POLN: variants seen among roughly 807,000 people sequenced by gnomAD.
POLN encodes the protein DNA polymerase nu.
Under a neutral mutation model 113.5 loss-of-function variants are expected in POLN, and 108 were observed. The ratio of observed to expected loss-of-function variants is 0.95; its 90% CI spans 0.81 to 1.12. The LOEUF (loss-of-function observed/expected upper bound fraction) is 1.12, where lower values mean the gene tolerates loss of function less well. Among genes scored for constraint, POLN ranks in the 50% most tolerant of loss-of-function variants. The pLI, the probability that POLN is intolerant of heterozygous loss-of-function variation, is 0.00. For missense variants in POLN, 1,097 were observed against 1,077.1 expected (o/e 1.02, Z -0.26); for synonymous variants, 386 against 391.5 (o/e 0.99, Z 0.17).
At chr4:2,185,705 C>T (rs1355134799) in intron 7 of POLN, among the ~76,000 whole-genome samples, 1 of 148,656 alleles carries the variant, frequency 6.7e-6, no homozygotes, top group Admixed American at 6.7e-5. Context: ...AAGATTGCAC[C>T]ATTGCACTCT....
At chr4:2,080,357 C>T (rs1253142080) in intron 23 of POLN, 5 of 928,730 alleles carry the variant, frequency 5.4e-6, no homozygotes, top group Admixed American at 2.5e-4. Flanking sequence ...TGGGGGGCAG[C>T]CAGGGCGGAG....
rs115026061 is a variant in POLN, at chr4:2,193,017, T to A, written c.1021+187A>T. 3.5e-3 allele frequency among the ~76,000 whole-genome samples: 530 copies of A among 152,136 alleles called. 4 individuals carry two copies. The highest frequency in any genetic ancestry group is 0.011 in the African/African-American group (467 of 41,494). ...GAAAGTAATATATACTTGTAAAAAT[T>A]CAAATAACCTAGAAACATGGAGGAA... On this transcript the variant is annotated intron_variant, in intron 7 of 25. Coordinates refer to ENST00000511885, the MANE Select transcript of POLN (RefSeq NM_181808.4).
intron 13 of POLN, among the ~76,000 whole-genome samples, 192 bp downstream of exon 13, chr4:2,170,487 T>C (rs969873868): frequency 1.3e-5 from 2 of 152,206 alleles, no homozygotes; most frequent in Non-Finnish European, 2.9e-5. Context: ...TCTGCAAAAG[T>C]GTACTGTCTG....
intron 5 of POLN, among the ~76,000 whole-genome samples, chr4:2,204,556 TAGAG>T (rs1354990463): frequency 4.6e-5 from 7 of 152,078 alleles, no homozygotes; most frequent in Admixed American, 1.3e-4. Flanking sequence ...TTCCACAAGA[TAGAG>T]AAAGAGGGAA....
chr4:2,201,522 G>C (rs1026835052), intron 5 of POLN, among the ~76,000 whole-genome samples: 1 of 151,784 alleles, frequency 6.6e-6, no homozygotes, highest in African/African-American at 2.4e-5. Flanking sequence ...AAGAAAACAT[G>C]AACAAAGCCT....
intron 22 of POLN, chr4:2,081,384 G>A: frequency 1.6e-6 from 1 of 622,012 alleles, no homozygotes; most frequent in Non-Finnish European, 2.8e-6. Flanking sequence ...GAGATATGGG[G>A]AACAGTACTG....
chr4:2,167,199 C>A (rs1732750639), intron 13 of POLN, among the ~76,000 whole-genome samples: 1 of 152,184 alleles, frequency 6.6e-6, no homozygotes. Flanking sequence ...GAGACCCCAT[C>A]ACTTCAGTTA....
At chr4:2,091,800 T>TGCGC (rs1553893099) in intron 20 of POLN, among the ~76,000 whole-genome samples, 16,706 of 144,638 alleles carry the variant, frequency 0.12, 1,347 homozygotes, top group South Asian at 0.23. Flanking sequence ...TGTGTGTGTG[T>TGCGC]GCGCGCGCTA....
chr4:2,199,810 C>A (rs1733667750), intron 5 of POLN, among the ~76,000 whole-genome samples: 1 of 152,144 alleles, frequency 6.6e-6, no homozygotes. Context: ...CTCCTGAGCT[C>A]AGCCAATCCG....
intron 5 of POLN, among the ~76,000 whole-genome samples, chr4:2,201,437 A>T (rs780725589): frequency 6.6e-6 from 1 of 151,760 alleles, no homozygotes; most frequent in Admixed American, 6.6e-5. Flanking sequence ...TCAAACAAGC[A>T]GAAGAAAGAA....
chr4:2,082,964 G>C (rs1184325894), intron 21 of POLN: 1 of 152,124 alleles, frequency 6.6e-6, no homozygotes, highest in Non-Finnish European at 1.5e-5. Context: ...GTAATCTAGG[G>C]CTAGTCTAGA....
At position 2,242,085 on chromosome 4, in the gene POLN, G is replaced by A. The variant is rs1028298542; in HGVS notation, c.-318C>T. 4 of 985,750 alleles carry A rather than the reference G, an allele frequency of 4.1e-6. No individual in the cohort carries two copies. Among genetic ancestry groups the A allele is most frequent in the South Asian group, 4.7e-5 (1 of 21,326 alleles). 61.1% of individuals were successfully genotyped at this position (985,750 alleles called of 1,614,324 possible). A position where few individuals can be genotyped will look rare whatever the true frequency, so the allele number is the denominator to read the frequency against. On this transcript the variant is annotated 5_prime_UTR_variant, in exon 1 of 26. Transcript: ENST00000511885. ...TTCCGCTTGCTTCTCGCAGGAGCCC[G>A]CCGCCACCGCCCTCCGTGCCCCGCG...
Position 2,179,293 on chromosome 4 carries a change from T to C in POLN, c.1179+15A>G. ...ATGTATTAAGGTTGATAAAACTTTA[T>C]CTTAAACAACTCACCACAATATTTC... On this transcript the variant is annotated intron_variant, in intron 8 of 25. Coordinates refer to ENST00000511885, the MANE Select transcript of POLN (RefSeq NM_181808.4). The C allele has an allele frequency of 1.2e-6, 2 of 1,604,548 alleles. No homozygotes were observed. The highest frequency in any genetic ancestry group is 1.7e-5 in the Admixed American group (1 of 58,778).
At chr4:2,137,410 G>A (rs992089318) in intron 16 of POLN, among the ~76,000 whole-genome samples, 2 of 152,120 alleles carry the variant, frequency 1.3e-5, no homozygotes, top group Admixed American at 1.3e-4. Flanking sequence ...ACACAGAAAA[G>A]GGCAGCTGGC....
intron 7 of POLN, among the ~76,000 whole-genome samples, chr4:2,186,836 T>G (rs1469889160): frequency 6.6e-6 from 1 of 152,186 alleles, no homozygotes; most frequent in Non-Finnish European, 1.5e-5. Flanking sequence ...AATTCAAAAT[T>G]GCAGTTTTAA....
At chr4:2,210,737 A>G (rs981358743) in intron 4 of POLN, among the ~76,000 whole-genome samples, 2 of 149,758 alleles carry the variant, frequency 1.3e-5, no homozygotes, top group African/African-American at 4.9e-5. Flanking sequence ...CCTGGCCAAT[A>G]TGGTGAAAAC....
In POLN at chr4:2,208,357, G is replaced by T; in HGVS notation, c.344C>A (p.Ser115Ter). 1 of 1,613,532 alleles carries T rather than the reference G, an allele frequency of 6.2e-7. No homozygotes were observed. Among genetic ancestry groups the T allele is most frequent in the Non-Finnish European group, 8.5e-7 (1 of 1,179,898 alleles). Residue 115 changes from serine to a stop codon, truncating the protein, a stop_gained, in exon 5 of 26, where the codon TCA becomes TAA. Coordinates refer to ENST00000511885, the MANE Select transcript of POLN (RefSeq NM_181808.4). LOFTEE classifies it high-confidence loss of function. ...ATTATACTGTGGAATTAAACAACTTGAAAGAGTCAATGAGCTGATGCTCTT... is the reference window on the plus strand; with the variant it reads ...ATTATACTGTGGAATTAAACAACTTTAAAGAGTCAATGAGCTGATGCTCTT... The part of the protein sequence containing the change: ...KQKSISSLTL[S>*]SCLIPQYNQE...
At chr4:2,187,676 C>A (rs1426942086) in intron 7 of POLN, among the ~76,000 whole-genome samples, 5 of 152,052 alleles carry the variant, frequency 3.3e-5, no homozygotes, top group Admixed American at 3.3e-4. Flanking sequence ...AATAAACAAG[C>A]CCCCAAAGGT....
intron 13 of POLN, among the ~76,000 whole-genome samples, chr4:2,170,045 A>G (rs1335944401): frequency 6.6e-6 from 1 of 152,248 alleles, no homozygotes; most frequent in Non-Finnish European, 1.5e-5. Flanking sequence ...ACATCTTAGA[A>G]GGAAACCTTC....
Sources: gnomAD v4.1 joint callset for allele counts (sites outside exome capture counted in the v4.1 genomes callset) on GRCh38, gnomAD v4.1.1 for gene constraint, MANE v1.5 for transcripts, NCBI Gene and HGNC (gene_info 2026-07-23, HGNC 2026-07-21) for gene names.